Variants in HAUS1 observed in about 807,000 individuals in gnomAD.
HAUS1 encodes HAUS augmin like complex subunit 1, also known as HAUS augmin-like complex subunit 1.
Under a neutral mutation model 38.6 loss-of-function variants are expected in HAUS1, and 25 were observed. That is an observed-to-expected ratio of 0.65 (90% CI 0.47 to 0.91). The LOEUF (loss-of-function observed/expected upper bound fraction) is 0.91, where lower values mean the gene tolerates loss of function less well. Among genes scored for constraint, HAUS1 ranks in the 40% least tolerant of loss-of-function variants. HAUS1 has a pLI of 0.00. For missense variants in HAUS1, 325 were observed against 328.4 expected (o/e 0.99, Z 0.08); for synonymous variants, 109 against 112.9 (o/e 0.97, Z 0.22).
chr18:46,110,252 C>G (rs1652654804), intron 2 of HAUS1, among the ~76,000 whole-genome samples: 1 of 143,208 alleles, frequency 7.0e-6, no homozygotes, highest in Non-Finnish European at 1.5e-5. Context: ...AACTTCTGGG[C>G]TCAAGTGATC....
At position 46,122,574 on chromosome 18, in the gene HAUS1, G is replaced by T; in HGVS notation, c.584G>T (p.Gly195Val). The T allele has an allele frequency of 6.2e-7, 1 of 1,614,148 alleles. No homozygotes were observed. Among genetic ancestry groups the T allele is most frequent in the South Asian group, 1.1e-5 (1 of 91,080 alleles). ...LKAKSEEFRF[G>V]IKAAEEQLSA... ...GCAAAGTCAGAGGAATTCAGATTTG[G>T]AATCAAGGCTGCAGAGGTTTGTATG... The change falls in exon 5 of 9, where the codon GGA (glycine) becomes GTA (valine). Residue 195 changes from glycine to valine, a missense_variant. Coordinates refer to ENST00000282058, the MANE Select transcript of HAUS1 (RefSeq NM_138443.4).
At chr18:46,105,878 G>C (rs902649481) in intron 2 of HAUS1, among the ~76,000 whole-genome samples, 3 of 152,088 alleles carry the variant, frequency 2.0e-5, no homozygotes, top group Non-Finnish European at 2.9e-5. Flanking sequence ...ACCCTGCCTG[G>C]CCAGTAGTAA....
At chr18:46,105,631 G>A (rs894592456) in intron 2 of HAUS1, among the ~76,000 whole-genome samples, 5 of 151,330 alleles carry the variant, frequency 3.3e-5, no homozygotes, top group Non-Finnish European at 7.4e-5. Flanking sequence ...GCCCAGGCTG[G>A]AGTGCAGTGG....
chr18:46,104,999 G>A (rs533034202), intron 1 of HAUS1, among the ~76,000 whole-genome samples, 195 bp from the exon 2 acceptor site: 3 of 151,904 alleles, frequency 2.0e-5, no homozygotes, highest in Non-Finnish European at 4.4e-5. Context: ...AGTATTGTAC[G>A]TTTCTTTGTG....
chr18:46,109,278 T>C (rs1262836488), intron 2 of HAUS1, among the ~76,000 whole-genome samples: 1 of 152,058 alleles, frequency 6.6e-6, no homozygotes, highest in Non-Finnish European at 1.5e-5. Context: ...GAGAACTCAC[T>C]ATCACGAGAA....
intron 6 of HAUS1, among the ~76,000 whole-genome samples, chr18:46,123,667 CCTTT>C (rs1248854479): frequency 2.6e-5 from 4 of 152,104 alleles, no homozygotes; most frequent in Non-Finnish European, 5.9e-5. Flanking sequence ...TAGGTGCTCC[CCTTT>C]CTTCTCTTTC....
intron 3 of HAUS1, 97 bp downstream of exon 3, chr18:46,118,413 A>G: frequency 8.5e-7 from 1 of 1,179,844 alleles, no homozygotes; most frequent in Non-Finnish European, 1.2e-6. Context: ...AAAATTGGCA[A>G]TAAATACAAA....
chr18:46,105,470 C>A (rs1322173883), intron 2 of HAUS1, 102 bp downstream of exon 2: 2 of 999,114 alleles, frequency 2.0e-6, no homozygotes, highest in African/African-American at 1.6e-5. Flanking sequence ...ACTTGTTTTG[C>A]TCCTTTATTT....
At chr18:46,119,754 G>T (rs144842063) in intron 3 of HAUS1, among the ~76,000 whole-genome samples, 172 bp from the exon 4 acceptor site, 3 of 152,088 alleles carry the variant, frequency 2.0e-5, no homozygotes, top group Admixed American at 2.0e-4. Context: ...GAACTTTGCC[G>T]AATGAAGAAG....
chr18:46,106,014 CCTAT>C (rs1470819330), intron 2 of HAUS1, among the ~76,000 whole-genome samples: 15 of 152,250 alleles, frequency 9.9e-5, no homozygotes, highest in Admixed American at 3.9e-4. Flanking sequence ...TTTTTACTTA[CCTAT>C]CTGTTTTTTC....
At chr18:46,119,878 T>C (rs1911888752) in intron 3 of HAUS1, 48 bp from the exon 4 acceptor site, 3 of 1,470,952 alleles carry the variant, frequency 2.0e-6, no homozygotes, top group Non-Finnish European at 2.7e-6. Flanking sequence ...GGAGTAATTA[T>C]AATTATTGCC....
At chr18:46,104,522 G>T in intron 1 of HAUS1, 81 bp downstream of exon 1, 1 of 1,209,316 alleles carries the variant, frequency 8.3e-7, no homozygotes, top group Non-Finnish European at 1.1e-6. Flanking sequence ...GGTCTCCTGT[G>T]CGCGCCACGT....
At chr18:46,121,050 G>A (rs1406602073) in intron 4 of HAUS1, among the ~76,000 whole-genome samples, 2 of 152,136 alleles carry the variant, frequency 1.3e-5, no homozygotes, top group African/African-American at 4.8e-5. Context: ...TTTTGCCCCA[G>A]AGATTAGGGC....
Position 46,126,822 on chromosome 18 carries a change from T to A in HAUS1, c.786+1031T>A. The A allele has an allele frequency of 1.4e-5, 2 of 147,976 alleles. 1 individual carries two copies. The highest frequency in any genetic ancestry group is 4.2e-4 in the South Asian group (2 of 4,716). The allele number at this position is 147,976 out of a possible 1,614,324, so 9.2% of individuals were successfully genotyped here. A position where few individuals can be genotyped will look rare whatever the true frequency, so the allele number is the denominator to read the frequency against. Reference sequence around the variant, plus strand: ...GCATTTTTATTTATTTATTTATTTATTTATTTATTTATTTATTTATTTATT... The same window carrying A: ...GCATTTTTATTTATTTATTTATTTAATTATTTATTTATTTATTTATTTATT... On this transcript the variant is annotated intron_variant, in intron 8 of 8. Transcript: ENST00000282058.
chr18:46,120,469 G>C (rs1426238416), intron 4 of HAUS1, among the ~76,000 whole-genome samples: 1 of 151,214 alleles, frequency 6.6e-6, no homozygotes, highest in Non-Finnish European at 1.5e-5. Context: ...CCCGACCTCA[G>C]GTGATCCGCC....
chr18:46,106,919 G>A (rs1156432488), intron 2 of HAUS1: 1 of 152,136 alleles, frequency 6.6e-6, no homozygotes, highest in East Asian at 1.9e-4. Flanking sequence ...GGAGGCTGAG[G>A]CGGGAGAAAT....
intron 1 of HAUS1, 138 bp downstream of exon 1, chr18:46,104,579 G>A: frequency 1.5e-6 from 1 of 670,486 alleles, no homozygotes; most frequent in South Asian, 3.6e-5. Context: ...TAGTGCCGCC[G>A]TCACTATCTG....
At chr18:46,105,544 A>ATATG in intron 2 of HAUS1, 176 bp downstream of exon 2, 1 of 500,932 alleles carries the variant, frequency 2.0e-6, no homozygotes, top group East Asian at 3.9e-5. Flanking sequence ...ATATATATGT[A>ATATG]TATGTATGTG....
Position 46,109,139 on chromosome 18 carries a change from A to G in HAUS1, c.205+3771A>G, listed in dbSNP as rs138927371. Reference sequence around the variant, plus strand: ...AGTTCCACGTAGCTGAGGAGGCCTCAGGAAACTTACAATCATGGTTGAAGG... The same window carrying G: ...AGTTCCACGTAGCTGAGGAGGCCTCGGGAAACTTACAATCATGGTTGAAGG... On this transcript the variant is annotated intron_variant, in intron 2 of 8. Coordinates refer to ENST00000282058, the MANE Select transcript of HAUS1 (RefSeq NM_138443.4). Among the ~76,000 whole-genome samples the G allele has an allele frequency of 1.9e-4, 29 of 152,096 alleles. No homozygotes were observed. The East Asian group carries it at 5.6e-3, about 29-fold the overall frequency.
Sources: allele counts gnomAD v4.1 joint callset (sites outside exome capture counted in the v4.1 genomes callset), GRCh38; gene constraint gnomAD v4.1.1; transcripts MANE v1.5; gene names NCBI Gene and HGNC (gene_info 2026-07-23, HGNC 2026-07-21).